The following NAA11 variants were observed in gnomAD, a reference collection of about 807,000 sequenced individuals.
The protein encoded by NAA11 is N-alpha-acetyltransferase 11, NatA catalytic subunit, also known as N-alpha-acetyltransferase 11.
A neutral mutation model predicts 16.1 loss-of-function variants in NAA11; 15 were observed. That is an observed-to-expected ratio of 0.93 (90% CI 0.62 to 1.44). NAA11 has a LOEUF of 1.44. NAA11 is among the 40% of genes most tolerant of loss of function. NAA11 has a pLI of 0.00. For synonymous variants in NAA11, 122 were observed against 112.4 expected (o/e 1.09, Z -0.54); for missense variants, 298 against 291.3 (o/e 1.02, Z -0.17).
chr4:79,260,512 T>G (rs931578450), intron 2 of NAA11, among the ~76,000 whole-genome samples: 4 of 152,170 alleles, frequency 2.6e-5, no homozygotes, highest in African/African-American at 9.7e-5. Flanking sequence ...GATTTGGATT[T>G]TAGGTACAGT....
chr4:79,250,281 G>A (rs1380928160), intron 2 of NAA11, among the ~76,000 whole-genome samples: 1 of 152,218 alleles, frequency 6.6e-6, no homozygotes, highest in African/African-American at 2.4e-5. Context: ...CATTCCCATA[G>A]GAAGAGGGCT....
At chr4:79,248,996 C>G (rs561173269) in intron 2 of NAA11, among the ~76,000 whole-genome samples, 4 of 152,166 alleles carry the variant, frequency 2.6e-5, no homozygotes, top group South Asian at 2.1e-4. Flanking sequence ...CTTGAGCCCC[C>G]CCCCAGTGCA....
chr4:79,303,656 ATGCTTCCC>A (rs1470198134), intron 1 of NAA11, among the ~76,000 whole-genome samples: 2 of 152,188 alleles, frequency 1.3e-5, no homozygotes, highest in Non-Finnish European at 2.9e-5. Context: ...TAAGTCAATA[ATGCTTCCC>A]TTTTTGTTTT....
the NAA11 span, among the ~76,000 whole-genome samples, chr4:79,189,145 C>CAAAAAAAAAAAAAAAAAAAAAA: frequency 3.2e-3 from 134 of 42,252 alleles, 31 homozygotes; most frequent in Non-Finnish European, 4.7e-3. Context: ...GACTCCATCT[C>CAAAAAAAAAAAAAAAAAAAAAA]AAAAAAAAAA....
the NAA11 span, chr4:79,211,870 G>A: frequency 6.6e-6 from 1 of 152,094 alleles, no homozygotes; most frequent in Non-Finnish European, 1.5e-5. Flanking sequence ...ATCACCATTT[G>A]GTAAACTTCC....
rs187946919 is a variant in NAA11, at chr4:79,296,432, T to C, written c.*13-2318A>G. On this transcript the variant is annotated intron_variant and NMD_transcript_variant, in intron 1 of 2. Transcript: ENST00000511542. ...CACCTTACCCAGTGCCTAGAACTTA[T>C]TAGGCACTTATAGAACATTTATAAA... Among the ~76,000 whole-genome samples, 4 of 152,322 alleles carry C rather than the reference T, an allele frequency of 2.6e-5. No individual in the cohort carries two copies. The East Asian group carries it at 7.7e-4, about 29-fold the overall frequency.
chr4:79,232,723 A>G (rs568249217), intron 2 of NAA11, among the ~76,000 whole-genome samples: 1 of 152,130 alleles, frequency 6.6e-6, no homozygotes, highest in Admixed American at 6.6e-5. Context: ...AGACCTTTGT[A>G]TAATATTTGA....
chr4:79,163,917 C>T, the NAA11 span, among the ~76,000 whole-genome samples: 2 of 152,148 alleles, frequency 1.3e-5, no homozygotes, highest in Non-Finnish European at 2.9e-5. Flanking sequence ...TTATGAAGTT[C>T]TCAAATGGGT....
the NAA11 span, among the ~76,000 whole-genome samples, chr4:79,168,279 A>G: frequency 6.6e-6 from 1 of 152,114 alleles, no homozygotes; most frequent in Admixed American, 6.5e-5. Context: ...ATTGATGGCC[A>G]TTTGGGTTGG....
chr4:79,238,458 A>G (rs556829554), intron 2 of NAA11, among the ~76,000 whole-genome samples: 1 of 152,300 alleles, frequency 6.6e-6, no homozygotes, highest in African/African-American at 2.4e-5. Flanking sequence ...AATATAACAG[A>G]CAGAGTAAGT....
the NAA11 span, among the ~76,000 whole-genome samples, chr4:79,203,407 C>T: frequency 6.6e-6 from 1 of 151,606 alleles, no homozygotes; most frequent in Non-Finnish European, 1.5e-5. Flanking sequence ...AGAAAATAAT[C>T]CTTTGTATTA....
chr4:79,218,873 G>A, the NAA11 span, among the ~76,000 whole-genome samples: 27 of 151,970 alleles, frequency 1.8e-4, no homozygotes, highest in Admixed American at 5.9e-4. Flanking sequence ...CATATCAATG[G>A]TCTTCTTTTA....
the NAA11 span, among the ~76,000 whole-genome samples, chr4:79,204,925 G>GTA: frequency 0.012 from 215 of 17,590 alleles, 1 homozygote; most frequent in African/African-American, 0.031. Context: ...TCCATGGTGT[G>GTA]TATACACACA....
intron 2 of NAA11, among the ~76,000 whole-genome samples, chr4:79,276,014 A>G (rs77326585): frequency 1.3e-5 from 2 of 152,038 alleles, no homozygotes; most frequent in African/African-American, 4.8e-5. Flanking sequence ...AGATTATTTT[A>G]ATGGTTTTTG....
intron 2 of NAA11, among the ~76,000 whole-genome samples, chr4:79,255,245 T>A (rs999207118): frequency 7.2e-5 from 11 of 152,214 alleles, no homozygotes; most frequent in African/African-American, 2.4e-4. Flanking sequence ...GCATTGTTTT[T>A]AATTTTTGCT....
the NAA11 span, among the ~76,000 whole-genome samples, chr4:79,160,078 G>A: frequency 2.7e-5 from 4 of 148,920 alleles, no homozygotes; most frequent in East Asian, 2.0e-4. Flanking sequence ...TGCAACCTCC[G>A]CCTCCCAGGT....
intron 1 of NAA11, among the ~76,000 whole-genome samples, chr4:79,307,420 T>G (rs1472729934): frequency 1.3e-5 from 2 of 152,292 alleles, no homozygotes; most frequent in South Asian, 4.1e-4. Context: ...TGTAACAAGT[T>G]CTGCATTTTT....
At chr4:79,291,868 G>T (rs1723095140) in intron 2 of NAA11, among the ~76,000 whole-genome samples, 1 of 152,030 alleles carries the variant, frequency 6.6e-6, no homozygotes, top group African/African-American at 2.4e-5. Context: ...GTAAATAATT[G>T]AAATTAAAAT....
chr4:79,278,470 T>A, intron 2 of NAA11, among the ~76,000 whole-genome samples: 1 of 152,134 alleles, frequency 6.6e-6, no homozygotes, highest in East Asian at 1.9e-4. Flanking sequence ...CTGCTTATAA[T>A]CGCCTTGCAC....
Sources: gnomAD v4.1 joint callset for allele counts (sites outside exome capture counted in the v4.1 genomes callset) on GRCh38, gnomAD v4.1.1 for gene constraint, MANE v1.5 for transcripts, NCBI Gene and HGNC (gene_info 2026-07-23, HGNC 2026-07-21) for gene names.